The following DLGAP3 variants were observed in gnomAD, a reference collection of about 807,000 sequenced individuals.
DLGAP3 encodes the protein disks large-associated protein 3.
DLGAP3 carries 17 observed loss-of-function variants against 81.2 expected under a neutral mutation model. The observed-to-expected ratio is 0.21, with a 90% CI of 0.14 to 0.31. The LOEUF is 0.31. Ranked by LOEUF, DLGAP3 falls within the 10% of genes least tolerant of loss-of-function variation. The pLI is 1.00. For missense variants in DLGAP3, 1,124 were observed against 1,388.0 expected (o/e 0.81, Z 3.02); for synonymous variants, 577 against 587.4 (o/e 0.98, Z 0.26).
chr1:34,899,916 A>T, intron 4 of DLGAP3, 152 bp downstream of exon 4: 1 of 878,572 alleles, frequency 1.1e-6, no homozygotes, highest in Admixed American at 2.1e-5. Context: ...AAGGACTCCC[A>T]CCAAGACCCT....
At chr1:34,911,529 C>T (rs1639640172) in intron 1 of DLGAP3, among the ~76,000 whole-genome samples, 1 of 152,174 alleles carries the variant, frequency 6.6e-6, no homozygotes, top group African/African-American at 2.4e-5. Flanking sequence ...GAAGCAGCCA[C>T]TTTTGCAGTA....
rs189306281 is a variant in DLGAP3 at position 34,868,047 on chromosome 1, T to C, written c.2486-420A>G. ...CTTTAAGAATGACCAAGTAATTTCA[T>C]GTACATAACACATCTTCATAGCCAC... On this transcript the variant is annotated intron_variant, in intron 9 of 11. Transcript: ENST00000373347. This position sits in a 1 kb window ranked among gnomAD's most constrained non-coding sequence, Gnocchi z 7.5. 1.3e-5 allele frequency among the ~76,000 whole-genome samples: 2 copies of C among 152,302 alleles called. No homozygotes were observed. Among genetic ancestry groups the C allele is most frequent in the East Asian group, 1.9e-4 (1 of 5,180 alleles).
chr1:34,899,862 CT>C, intron 4 of DLGAP3, 121 bp from the exon 5 acceptor site: 1 of 1,031,232 alleles, frequency 9.7e-7, no homozygotes. Context: ...AGAGAGATCC[CT>C]TAGGAGACCC....
At chr1:34,911,023 C>CCA (rs1553124112) in intron 1 of DLGAP3, among the ~76,000 whole-genome samples, 1 of 7,612 alleles carries the variant, frequency 1.3e-4, no homozygotes, top group East Asian at 0.024. Context: ...ATATTATCCA[C>CCA]CCCCCCCCCA....
At position 34,906,016 on chromosome 1, in the gene DLGAP3, T is replaced by TTTTATA. The variant is rs60469155; in HGVS notation, c.-51-583_-51-582insTATAAA. Among the ~76,000 whole-genome samples, 153 of 64,794 alleles carry TTTTATA rather than the reference T, an allele frequency of 2.4e-3. 19 individuals carry two copies. Among genetic ancestry groups the TTTTATA allele is most frequent in the Middle Eastern group, 6.9e-3 (1 of 144 alleles). The allele number at this position is 64,794 out of a possible 152,430, so 42.5% of individuals were successfully genotyped here. ...ACAGAGCGAGACCTGGCCTCTAAATTTATATATATATATATATTTGTTTGT... is the reference window on the plus strand; with the variant it reads ...ACAGAGCGAGACCTGGCCTCTAAATTTTTATATATATATATATATATATTTGTTTGT... On this transcript the variant is annotated intron_variant, in intron 2 of 11. Coordinates refer to ENST00000373347, the MANE Select transcript of DLGAP3 (RefSeq NM_001080418.3).
rs560392791 is a variant in DLGAP3, at chr1:34,929,530, C to A, written c.-214G>T. 6.7e-6 allele frequency: 1 copy of A among 149,382 alleles called. No individual in the cohort carries two copies. The highest frequency in any genetic ancestry group is 1.5e-5 in the Non-Finnish European group (1 of 66,914). 9.3% of individuals were successfully genotyped at this position (149,382 alleles called of 1,614,324 possible). Reference sequence around the variant, plus strand: ...GGCGCTGCGGCGTTGGGCAGGCGGGCAGGGACCGGGGCCCGGCACTGCGGA... The same window carrying A: ...GGCGCTGCGGCGTTGGGCAGGCGGGAAGGGACCGGGGCCCGGCACTGCGGA... On this transcript the variant is annotated 5_prime_UTR_variant, in exon 1 of 12. Coordinates refer to ENST00000373347, the MANE Select transcript of DLGAP3 (RefSeq NM_001080418.3). This position sits in a 1 kb window ranked among gnomAD's most constrained non-coding sequence, Gnocchi z 6.5.
At position 34,867,985 on chromosome 1, in the gene DLGAP3, G is replaced by A. The variant is rs1051303398; in HGVS notation, c.2486-358C>T. ...AATGACCACCCACTGGCTAAGCTTT[G>A]TTCATCACTCCCCAGTGCATGCAAG... On this transcript the variant is annotated intron_variant, in intron 9 of 11. Coordinates refer to ENST00000373347, the MANE Select transcript of DLGAP3 (RefSeq NM_001080418.3). This position sits in a 1 kb window ranked among gnomAD's most constrained non-coding sequence, Gnocchi z 4.3. Among the ~76,000 whole-genome samples, 4 of 152,164 alleles carry A rather than the reference G, an allele frequency of 2.6e-5. No individual in the cohort carries two copies. Among genetic ancestry groups the A allele is most frequent in the Non-Finnish European group, 5.9e-5 (4 of 68,034 alleles).
In DLGAP3 at chr1:34,876,415, G is replaced by A. The variant is rs532145145; in HGVS notation, c.2001-7326C>T. Among the ~76,000 whole-genome samples, 3 of 152,358 alleles carry A rather than the reference G, an allele frequency of 2.0e-5. No individual in the cohort carries two copies. In the South Asian group the frequency reaches 6.2e-4, roughly 32 times the overall value. On this transcript the variant is annotated intron_variant, in intron 8 of 11. Coordinates refer to ENST00000373347, the MANE Select transcript of DLGAP3 (RefSeq NM_001080418.3). ...GAGAAACAGATACTGGGATGAGCGA[G>A]ACAGCAGTAAGGACAAGAGAGTCAA...
intron 1 of DLGAP3, among the ~76,000 whole-genome samples, chr1:34,920,297 C>A (rs1639778052): frequency 6.6e-6 from 1 of 152,124 alleles, no homozygotes; most frequent in South Asian, 2.1e-4. Flanking sequence ...ACCACAGAGA[C>A]CCCGCATGGC....
In DLGAP3 at chr1:34,929,160, G is replaced by A. The variant is rs945340288; in HGVS notation, c.-135+291C>T. 6.6e-6 allele frequency among the ~76,000 whole-genome samples: 1 copy of A among 151,960 alleles called. No individual in the cohort carries two copies. The highest frequency in any genetic ancestry group is 1.5e-5 in the Non-Finnish European group (1 of 67,872). ...CCCTCCCAGACCCGAGCCTCCAGCC[G>A]GGCGAGGGCTGGGCCGGGGCTGGCC... On this transcript the variant is annotated intron_variant, in intron 1 of 11. Coordinates refer to ENST00000373347, the MANE Select transcript of DLGAP3 (RefSeq NM_001080418.3). This position sits in a 1 kb window ranked among gnomAD's most constrained non-coding sequence, Gnocchi z 6.5.
intron 1 of DLGAP3, among the ~76,000 whole-genome samples, chr1:34,916,646 T>A (rs909144606): frequency 7.2e-6 from 1 of 138,014 alleles, no homozygotes. Context: ...ATACTTTTAT[T>A]TTTTATTTTA....
chr1:34,925,851 CCTTTGTTAACAAGACA>C (rs1288263132), intron 1 of DLGAP3, among the ~76,000 whole-genome samples: 1 of 152,124 alleles, frequency 6.6e-6, no homozygotes, highest in Admixed American at 6.5e-5. Context: ...CCATTCTGTC[CCTTTGTTAACAAGACA>C]CTTTGAAGCT....
rs944786074 is a variant in DLGAP3 at position 34,929,306 on chromosome 1, A to C, written c.-135+145T>G. On this transcript the variant is annotated intron_variant, in intron 1 of 11. Coordinates refer to ENST00000373347, the MANE Select transcript of DLGAP3 (RefSeq NM_001080418.3). This position sits in a 1 kb window ranked among gnomAD's most constrained non-coding sequence, Gnocchi z 6.5. ...GGAGCGGGGGCAGCTGAGGAGGCCC[A>C]GCCCCTCCCCCCTCCCGGGGCCGGG... 2.0e-5 allele frequency: 3 copies of C among 149,990 alleles called. No homozygotes were observed. The highest frequency in any genetic ancestry group is 2.0e-4 in the Admixed American group (3 of 15,106). 9.3% of individuals were successfully genotyped at this position (149,990 alleles called of 1,614,324 possible). A position where few individuals can be genotyped will look rare whatever the true frequency, so the allele number is the denominator to read the frequency against.
intron 1 of DLGAP3, among the ~76,000 whole-genome samples, chr1:34,918,576 G>T (rs539524675): frequency 6.6e-6 from 1 of 152,190 alleles, no homozygotes; most frequent in Non-Finnish European, 1.5e-5. Flanking sequence ...GAAATCAGCC[G>T]GGGAACAGGC....
intron 8 of DLGAP3, among the ~76,000 whole-genome samples, chr1:34,879,453 T>C (rs1639112917): frequency 6.6e-6 from 1 of 152,196 alleles, no homozygotes; most frequent in Admixed American, 6.5e-5. Flanking sequence ...CTCACTCACC[T>C]GCTGCGCACC....
At chr1:34,906,807 C>T (rs2148413821) in intron 2 of DLGAP3, among the ~76,000 whole-genome samples, 1 of 152,272 alleles carries the variant, frequency 6.6e-6, no homozygotes, top group Non-Finnish European at 1.5e-5. Context: ...GGCCCCCATC[C>T]CAGACTTGCC....
intron 1 of DLGAP3, among the ~76,000 whole-genome samples, chr1:34,925,833 C>T (rs998250289): frequency 6.6e-6 from 1 of 152,156 alleles, no homozygotes; most frequent in African/African-American, 2.4e-5. Context: ...GAAGAAGGAA[C>T]CCTGGGACCA....
intron 8 of DLGAP3, among the ~76,000 whole-genome samples, chr1:34,878,278 C>T (rs1193123135): frequency 6.6e-6 from 1 of 151,846 alleles, no homozygotes; most frequent in Admixed American, 6.6e-5. Flanking sequence ...TGCACTCCAG[C>T]CTGGGTGACA....
At chr1:34,885,919 G>A in intron 6 of DLGAP3, 128 bp from the exon 7 acceptor site, 1 of 1,138,996 alleles carries the variant, frequency 8.8e-7, no homozygotes, top group East Asian at 2.6e-5. Context: ...TCCACATGCT[G>A]CTGCACACAC....
Sources: allele counts gnomAD v4.1 joint callset (sites outside exome capture counted in the v4.1 genomes callset), GRCh38; gene constraint gnomAD v4.1.1; non-coding constraint Gnocchi (gnomAD v3.1); transcripts MANE v1.5; gene names NCBI Gene and HGNC (gene_info 2026-07-23, HGNC 2026-07-21).